MCM5: variants seen among roughly 807,000 people sequenced by gnomAD.
The protein encoded by MCM5 is DNA replication licensing factor MCM5.
Under a neutral mutation model 79.9 loss-of-function variants are expected in MCM5, and 46 were observed. The observed-to-expected ratio is 0.58, with a 90% CI of 0.45 to 0.74. MCM5 has a LOEUF of 0.74. Among genes scored for constraint, MCM5 ranks in the 30% least tolerant of loss-of-function variants. The pLI is 0.00. For synonymous variants in MCM5, 404 were observed against 390.5 expected, an observed-to-expected ratio of 1.03 and a Z score of -0.41; for missense variants, 883 against 1,017.0, an observed-to-expected ratio of 0.87 and a Z score of 1.79.
At chr22:35,443,704 C>T in the MCM5 span, among the ~76,000 whole-genome samples, 1 of 152,242 alleles carries the variant, frequency 6.6e-6, no homozygotes. Flanking sequence ...TCCAGCCCTG[C>T]AGCCTCCTGC....
the MCM5 span, among the ~76,000 whole-genome samples, chr22:35,441,685 C>T: frequency 6.6e-6 from 1 of 152,018 alleles, no homozygotes; most frequent in African/African-American, 2.4e-5. Flanking sequence ...TTCCTGAGGC[C>T]CTGTGGCTTC....
Position 35,421,401 on chromosome 22 carries a change from A to G in MCM5, c.1916A>G (p.Glu639Gly). ...TTCGCCACAGAGGCAGATGTGGAGG[A>G]GGCCCTGCGGCTCTTCCAAGTGTCC... Reference protein sequence around the residue: ...QPFATEADVEEALRLFQVSTL... With the variant: ...QPFATEADVEGALRLFQVSTL... The change falls in exon 15 of 17, where the codon GAG becomes GGG. Residue 639 changes from glutamate to glycine, a missense_variant. This residue lies in a region of MCM5 where 426 missense variants were observed against 482.3 expected (regional missense o/e 0.88). Transcript: ENST00000216122. 1 of 1,614,134 alleles carries G rather than the reference A, an allele frequency of 6.2e-7. No individual in the cohort carries two copies. Among genetic ancestry groups the G allele is most frequent in the Non-Finnish European group, 8.5e-7 (1 of 1,180,034 alleles).
chr22:35,400,511 C>G lies in MCM5; in HGVS notation c.73C>G (p.Gln25Glu), dbSNP rs1296547517. ...FGGDAQADEG[Q>E]ARKSQLQRRF... is the part of the protein sequence containing the mutation. ...GGGCGACGCCCAGGCCGACGAGGGGCAGGCCCGCAAATCGCAGCTGCAGAG... is the reference window on the plus strand; with the variant it reads ...GGGCGACGCCCAGGCCGACGAGGGGGAGGCCCGCAAATCGCAGCTGCAGAG... The change falls in exon 2 of 17, where the codon CAG (glutamine) becomes GAG (glutamate). Residue 25 changes from glutamine to glutamate, a missense_variant. Coordinates refer to ENST00000216122, the MANE Select transcript of MCM5 (RefSeq NM_006739.4). 1 of 1,614,118 alleles carries G rather than the reference C, an allele frequency of 6.2e-7. No individual in the cohort carries two copies. The highest frequency in any genetic ancestry group is 1.1e-5 in the South Asian group (1 of 91,082).
chr22:35,416,443 C>G, intron 11 of MCM5, 39 bp downstream of exon 11: 1 of 1,600,262 alleles, frequency 6.2e-7, no homozygotes, highest in Non-Finnish European at 8.5e-7. Context: ...CTGCAGCAGC[C>G]CAGCGTGGCC....
intron 16 of MCM5, 43 bp downstream of exon 16, chr22:35,423,384 C>T: frequency 6.4e-7 from 1 of 1,550,490 alleles, no homozygotes; most frequent in Non-Finnish European, 8.8e-7. Context: ...GCACGGGGTG[C>T]AGGTCTTCTG....
intron 5 of MCM5, among the ~76,000 whole-genome samples, chr22:35,407,187 T>G (rs1305602944): frequency 2.0e-5 from 3 of 152,118 alleles, no homozygotes; most frequent in Admixed American, 6.6e-5. Context: ...CTCCGGCCCT[T>G]TCTAGAAAAT....
At chr22:35,406,438 TC>T in intron 4 of MCM5, 114 bp from the exon 5 acceptor site, 1 of 903,066 alleles carries the variant, frequency 1.1e-6, no homozygotes, top group Non-Finnish European at 1.7e-6. Context: ...GCTGTGGCCC[TC>T]CCTGCAGCTC....
the MCM5 span, among the ~76,000 whole-genome samples, chr22:35,453,821 G>T: frequency 0.31 from 18,937 of 60,738 alleles, 1,249 homozygotes; most frequent in East Asian, 0.35. Flanking sequence ...TATATATATA[G>T]AGAGAGAGAG....
chr22:35,441,971 C>T, the MCM5 span, among the ~76,000 whole-genome samples: 1 of 152,100 alleles, frequency 6.6e-6, no homozygotes, highest in Non-Finnish European at 1.5e-5. Flanking sequence ...GTTGCAACAG[C>T]ATCCCACGGG....
At chr22:35,403,150 G>C in intron 2 of MCM5, 57 bp from the exon 3 acceptor site, 1 of 1,598,722 alleles carries the variant, frequency 6.3e-7, no homozygotes, top group Non-Finnish European at 8.6e-7. Flanking sequence ...CTCAGCCAGT[G>C]TTGGTTTCCT....
At chr22:35,429,466 T>G (rs1309033612), downstream of MCM5, among the ~76,000 whole-genome samples, 1 of 152,124 alleles carries the variant, frequency 6.6e-6, no homozygotes, top group Non-Finnish European at 1.5e-5. Context: ...CAAGATTGAT[T>G]GTTCCGGGCT....
At chr22:35,415,440 C>T (rs556870321) in intron 9 of MCM5, among the ~76,000 whole-genome samples, 4 of 152,132 alleles carry the variant, frequency 2.6e-5, no homozygotes, top group Non-Finnish European at 4.4e-5. Flanking sequence ...TATATAGAGA[C>T]GACAAGGGAC....
chr22:35,416,019 G>T (rs1455647581), intron 10 of MCM5, 47 bp downstream of exon 10: 1 of 1,593,170 alleles, frequency 6.3e-7, no homozygotes, highest in East Asian at 2.3e-5. Context: ...GTGGCACCAG[G>T]GTATGTGACT....
Position 35,412,701 on chromosome 22 carries a change from T to C in MCM5, c.1091+20T>C. ...AAAGAGGTAGGGGCTTGAGTTCCCT[T>C]GGGTTTGGGGAGGCGGCTGATGATG... is the stretch of plus-strand genomic sequence containing the variant. On this transcript the variant is annotated intron_variant, in intron 8 of 16. Transcript: ENST00000216122. 1 of 1,432,344 alleles carries C rather than the reference T, an allele frequency of 7.0e-7. No homozygotes were observed. The highest frequency in any genetic ancestry group is 9.3e-7 in the Non-Finnish European group (1 of 1,080,618). 88.7% of individuals were successfully genotyped at this position (1,432,344 alleles called of 1,614,324 possible).
chr22:35,454,028 A>G, the MCM5 span, among the ~76,000 whole-genome samples: 235 of 151,830 alleles, frequency 1.5e-3, no homozygotes, highest in African/African-American at 5.0e-3. Context: ...AAGCAAAAGC[A>G]TCAGAGACAG....
At chr22:35,420,641 G>A (rs972335357) in intron 14 of MCM5, among the ~76,000 whole-genome samples, 3 of 152,194 alleles carry the variant, frequency 2.0e-5, no homozygotes, top group Non-Finnish European at 2.9e-5. Context: ...CGAGATGGCC[G>A]CTAGAACTTC....
intron 5 of MCM5, 79 bp from the exon 6 acceptor site, chr22:35,408,329 G>T (rs1033277424): frequency 7.8e-6 from 11 of 1,414,300 alleles, no homozygotes; most frequent in Non-Finnish European, 1.1e-5. Context: ...ACGTCTCCTT[G>T]CTGGCTCCTG....
At chr22:35,453,574 A>C in the MCM5 span, among the ~76,000 whole-genome samples, 1 of 150,294 alleles carries the variant, frequency 6.7e-6, no homozygotes, top group East Asian at 1.9e-4. Context: ...GACAGAGTGA[A>C]TCAGAGAGAC....
chr22:35,447,110 C>T, the MCM5 span, among the ~76,000 whole-genome samples: 120,130 of 151,814 alleles, frequency 0.79, 48,129 homozygotes, highest in African/African-American at 0.88. Flanking sequence ...CCTTCCTGGC[C>T]GAGGGCGTGC....
Sources: allele counts gnomAD v4.1 joint callset (sites outside exome capture counted in the v4.1 genomes callset), GRCh38; gene constraint gnomAD v4.1.1; regional missense constraint gnomAD v4.1.1; transcripts MANE v1.5; gene names NCBI Gene and HGNC (gene_info 2026-07-23, HGNC 2026-07-21).